The following PDE10A variants were observed in gnomAD, a reference collection of about 807,000 sequenced individuals.
PDE10A encodes the protein phosphodiesterase 10A, also known as cAMP and cAMP-inhibited cGMP 3',5'-cyclic phosphodiesterase 10A.
A neutral mutation model predicts 97.7 loss-of-function variants in PDE10A; 39 were observed. The ratio of observed to expected loss-of-function variants is 0.40; its 90% confidence interval spans 0.31 to 0.52. PDE10A has a LOEUF of 0.52. Ranked by LOEUF, PDE10A falls within the 20% of genes least tolerant of loss-of-function variation. The pLI is 0.56. For synonymous variants in PDE10A, 371 were observed against 376.8 expected (o/e 0.98, Z 0.18); for missense variants, 731 against 1,047.8 (o/e 0.70, Z 4.17).
chr6:165,639,738 CAAAAAAAAAA>C (rs35358593), intron 1 of PDE10A, among the ~76,000 whole-genome samples: 1 of 102,566 alleles, frequency 9.7e-6, no homozygotes, highest in Non-Finnish European at 1.9e-5. Flanking sequence ...GACTCTGTCC[CAAAAAAAAAA>C]AAAAAAAAAA....
intron 3 of PDE10A, among the ~76,000 whole-genome samples, chr6:165,473,335 A>G (rs1779118497): frequency 6.6e-6 from 1 of 152,206 alleles, no homozygotes; most frequent in Non-Finnish European, 1.5e-5. Flanking sequence ...CATAGTCCTG[A>G]TCTCTTGAAA....
chr6:165,953,550 C>T (rs1312205686), intron 1 of PDE10A, among the ~76,000 whole-genome samples: 1 of 151,648 alleles, frequency 6.6e-6, no homozygotes, highest in African/African-American at 2.4e-5. Context: ...GAGATTGTGC[C>T]ACTGCACTCC....
chr6:165,707,669 G>T (rs1562695734), intron 1 of PDE10A, among the ~76,000 whole-genome samples: 1 of 151,816 alleles, frequency 6.6e-6, no homozygotes, highest in African/African-American at 2.4e-5. Context: ...GAGCGTGTGT[G>T]TGTAAGCGTA....
intron 1 of PDE10A, among the ~76,000 whole-genome samples, chr6:165,700,984 C>T (rs1791557305): frequency 2.0e-5 from 3 of 152,170 alleles, no homozygotes; most frequent in Admixed American, 2.0e-4. Flanking sequence ...ACCTGTGATA[C>T]CTGGATTCCA....
intron 1 of PDE10A, among the ~76,000 whole-genome samples, chr6:165,614,937 C>T (rs1456716916): frequency 2.0e-5 from 3 of 151,942 alleles, no homozygotes; most frequent in African/African-American, 2.4e-5. Context: ...ATAGGCCAGG[C>T]GCAGTGGCTC....
At chr6:165,384,623 T>A (rs1562406177) in intron 17 of PDE10A, among the ~76,000 whole-genome samples, 1 of 96,106 alleles carries the variant, frequency 1.0e-5, no homozygotes, top group African/African-American at 5.4e-5. Context: ...TGTGTGTATG[T>A]GTGAGTGAGT....
intron 1 of PDE10A, among the ~76,000 whole-genome samples, chr6:165,972,444 T>C (rs944258104): frequency 5.9e-5 from 9 of 152,102 alleles, no homozygotes; most frequent in African/African-American, 2.2e-4. Flanking sequence ...TGTGTCCCAG[T>C]CTCTGTCACG....
intron 1 of PDE10A, among the ~76,000 whole-genome samples, chr6:165,800,227 A>G (rs1778946507): frequency 6.6e-6 from 1 of 152,224 alleles, no homozygotes; most frequent in African/African-American, 2.4e-5. Context: ...AACAGCAGGA[A>G]AAAAGAGAGC....
intron 1 of PDE10A, among the ~76,000 whole-genome samples, chr6:165,731,429 G>A (rs534225460): frequency 6.6e-6 from 1 of 152,100 alleles, no homozygotes; most frequent in South Asian, 2.1e-4. Flanking sequence ...TCCTGTGAAA[G>A]TCTGCAGAGA....
chr6:165,725,623 A>T (rs572868625), intron 1 of PDE10A, among the ~76,000 whole-genome samples: 2 of 133,980 alleles, frequency 1.5e-5, no homozygotes, highest in Non-Finnish European at 1.7e-5. Context: ...GAGGAACTGG[A>T]TGTACTGAAC....
chr6:165,404,181 T>C (rs868033671), intron 13 of PDE10A, among the ~76,000 whole-genome samples: 6 of 152,148 alleles, frequency 3.9e-5, no homozygotes, highest in Non-Finnish European at 5.9e-5. Context: ...TCCCAAAATA[T>C]GTACAACTAT....
At chr6:165,372,322 GA>G (rs1280782488) in intron 18 of PDE10A, among the ~76,000 whole-genome samples, 2 of 150,480 alleles carry the variant, frequency 1.3e-5, no homozygotes, top group South Asian at 4.2e-4. Context: ...TGTATATCTA[GA>G]AAACCCCATT....
At chr6:165,609,273 G>A (rs574857492) in intron 1 of PDE10A, among the ~76,000 whole-genome samples, 36 of 152,286 alleles carry the variant, frequency 2.4e-4, no homozygotes, top group African/African-American at 8.2e-4. Flanking sequence ...GATTATCTCA[G>A]TAGATGCAGA....
Position 165,490,769 on chromosome 6 carries a change from A to G in PDE10A, c.995-8426T>C, listed in dbSNP as rs377059212. Among the ~76,000 whole-genome samples, 7 of 152,316 alleles carry G rather than the reference A, an allele frequency of 4.6e-5. No individual in the cohort carries two copies. In the East Asian group the frequency reaches 1.2e-3, roughly 25 times the overall value. ...CAGGAGTTCAAGACCAGCCTGGCCA[A>G]CATGGGGAAACCCCACGTCTACTAA... On this transcript the variant is annotated intron_variant, in intron 2 of 21. Transcript: ENST00000539869.
At chr6:165,643,779 G>A (rs1166632560) in intron 1 of PDE10A, among the ~76,000 whole-genome samples, 1 of 152,170 alleles carries the variant, frequency 6.6e-6, no homozygotes, top group Non-Finnish European at 1.5e-5. Flanking sequence ...CCATTGCACA[G>A]CATGGTTACC....
At chr6:165,630,421 C>A (rs1562644044) in intron 1 of PDE10A, among the ~76,000 whole-genome samples, 1 of 152,142 alleles carries the variant, frequency 6.6e-6, no homozygotes, top group Non-Finnish European at 1.5e-5. Context: ...AGCTTCATAA[C>A]TTCAATATAA....
At chr6:165,791,660 C>T (rs1423727398) in intron 1 of PDE10A, among the ~76,000 whole-genome samples, 2 of 152,180 alleles carry the variant, frequency 1.3e-5, no homozygotes, top group Admixed American at 1.3e-4. Context: ...GGACGAAGAT[C>T]AGCGCAGTCT....
At chr6:165,807,656 A>T (rs1209268806) in intron 1 of PDE10A, among the ~76,000 whole-genome samples, 1 of 152,140 alleles carries the variant, frequency 6.6e-6, no homozygotes, top group Non-Finnish European at 1.5e-5. Context: ...CTTTAGAAAC[A>T]TTTGAAAAGA....
chr6:165,351,575 G>A (rs1782696365), intron 18 of PDE10A, among the ~76,000 whole-genome samples: 1 of 152,148 alleles, frequency 6.6e-6, no homozygotes, highest in Non-Finnish European at 1.5e-5. Context: ...CCTACTATGT[G>A]CTAGACACTG....
Sources: allele counts gnomAD v4.1 joint callset (sites outside exome capture counted in the v4.1 genomes callset), GRCh38; gene constraint gnomAD v4.1.1; transcripts MANE v1.5; gene names NCBI Gene and HGNC (gene_info 2026-07-23, HGNC 2026-07-21).